NTM: variants seen among roughly 807,000 people sequenced by gnomAD.
NTM encodes the protein neurotrimin, also known as IgLON family member 2.
In NTM, 13 loss-of-function variants were observed where a neutral mutation model predicts 42.1. The ratio of observed to expected loss-of-function variants is 0.31; its 90% CI spans 0.20 to 0.49. The LOEUF (loss-of-function observed/expected upper bound fraction) is 0.49, where lower values mean the gene tolerates loss of function less well. Ranked by LOEUF, NTM falls within the 20% of genes least tolerant of loss-of-function variation. The pLI is 0.99. For synonymous variants in NTM, 187 were observed against 179.2 expected (o/e 1.04, Z -0.35); for missense variants, 373 against 452.8 (o/e 0.82, Z 1.60).
intron 1 of NTM, among the ~76,000 whole-genome samples, chr11:131,865,319 A>G (rs1437801398): frequency 1.3e-5 from 2 of 152,218 alleles, no homozygotes; most frequent in African/African-American, 4.8e-5. Context: ...ACAGTTTGCC[A>G]GGTAACAATG....
At chr11:131,991,382 ATCT>A (rs1272081895) in intron 2 of NTM, among the ~76,000 whole-genome samples, 3 of 152,088 alleles carry the variant, frequency 2.0e-5, no homozygotes, top group East Asian at 1.9e-4. Context: ...TCCCTTTGAC[ATCT>A]TCTTCTGATT....
At chr11:131,710,235 C>T (rs1197054696) in intron 1 of NTM, among the ~76,000 whole-genome samples, 1 of 152,190 alleles carries the variant, frequency 6.6e-6, no homozygotes, top group East Asian at 1.9e-4. Flanking sequence ...TTCCCTAGAT[C>T]ACTCTTGTCA....
rs539448187 is a variant in NTM, at chr11:132,279,384, C to T, written c.527-28305C>T. 2.0e-5 allele frequency among the ~76,000 whole-genome samples: 3 copies of T among 152,298 alleles called. No homozygotes were observed. The South Asian group carries it at 6.2e-4, about 32-fold the overall frequency. Reference sequence around the variant, plus strand: ...TGCTGCTAGAGGGCACTGTTTATCACAGAGATCTGTTCATGTGACTCTCGC... The same window carrying T: ...TGCTGCTAGAGGGCACTGTTTATCATAGAGATCTGTTCATGTGACTCTCGC... On this transcript the variant is annotated intron_variant, in intron 4 of 8. Transcript: ENST00000683400.
At chr11:131,818,162 A>T (rs756224803) in intron 1 of NTM, among the ~76,000 whole-genome samples, 1 of 152,128 alleles carries the variant, frequency 6.6e-6, no homozygotes, top group African/African-American at 2.4e-5. Context: ...GCTGCAGTGC[A>T]TCCTTTACAG....
intron 1 of NTM, among the ~76,000 whole-genome samples, chr11:131,501,699 A>G (rs2046848800): frequency 1.3e-5 from 2 of 151,418 alleles, no homozygotes; most frequent in Admixed American, 1.3e-4. Context: ...GTAGATCTTG[A>G]GTGTGCTGTA....
intron 1 of NTM, among the ~76,000 whole-genome samples, chr11:131,853,986 T>C (rs2045857290): frequency 6.6e-6 from 1 of 152,368 alleles, no homozygotes; most frequent in African/African-American, 2.4e-5. Flanking sequence ...AGAAAGCTAG[T>C]AATACAGATT....
chr11:131,580,899 G>T (rs959731619), intron 1 of NTM, among the ~76,000 whole-genome samples: 1 of 152,130 alleles, frequency 6.6e-6, no homozygotes, highest in Non-Finnish European at 1.5e-5. Context: ...AGGGGAAGTC[G>T]CAAAAGTTCT....
intron 1 of NTM, among the ~76,000 whole-genome samples, chr11:131,400,778 A>G (rs1242631112): frequency 6.6e-6 from 1 of 152,188 alleles, no homozygotes; most frequent in Non-Finnish European, 1.5e-5. Context: ...TATGTGGACA[A>G]TGTACCAAAG....
intron 1 of NTM, chr11:131,538,943 A>ATTTTTTTTTTTTTTT (rs1189734867): frequency 5.5e-5 from 4 of 72,372 alleles, no homozygotes; most frequent in Non-Finnish European, 5.3e-5. Flanking sequence ...TTTTTTTTTA[A>ATTTTTTTTTTTTTTT]TTTTTTTGAG....
chr11:131,885,852 G>T lies in NTM; in HGVS notation c.83-25712G>T, dbSNP rs114846998. 9.5e-3 allele frequency among the ~76,000 whole-genome samples: 1,445 copies of T among 152,312 alleles called. 19 individuals carry two copies. The highest frequency in any genetic ancestry group is 0.033 in the African/African-American group (1,359 of 41,564). ...TTTCTGCTTAGGAAGGCTGCACATGGTGGCCACTGAAGACCAGAGAGGTGT... is the reference window on the plus strand; with the variant it reads ...TTTCTGCTTAGGAAGGCTGCACATGTTGGCCACTGAAGACCAGAGAGGTGT... On this transcript the variant is annotated intron_variant, in intron 1 of 8. Coordinates refer to ENST00000683400, the MANE Select transcript of NTM (RefSeq NM_001352005.2).
At chr11:131,416,978 G>C (rs1391680013) in intron 1 of NTM, among the ~76,000 whole-genome samples, 1 of 152,072 alleles carries the variant, frequency 6.6e-6, no homozygotes, top group East Asian at 1.9e-4. Flanking sequence ...GTAACCTTGG[G>C]GGAGTCACAA....
At chr11:132,225,690 TC>T (rs1229984044) in intron 4 of NTM, among the ~76,000 whole-genome samples, 1 of 152,182 alleles carries the variant, frequency 6.6e-6, no homozygotes, top group African/African-American at 2.4e-5. Context: ...AATAAATGTT[TC>T]CTTTTTTACC....
chr11:132,212,362 C>T (rs145228754), intron 4 of NTM, among the ~76,000 whole-genome samples: 2 of 152,310 alleles, frequency 1.3e-5, no homozygotes, highest in African/African-American at 4.8e-5. Context: ...AGTATCTCTC[C>T]AGTCCCTTGG....
chr11:132,109,898 G>A (rs927791374), intron 2 of NTM, among the ~76,000 whole-genome samples: 1 of 152,158 alleles, frequency 6.6e-6, no homozygotes, highest in Non-Finnish European at 1.5e-5. Flanking sequence ...AAGATGTTTG[G>A]GTTTCCATTC....
At chr11:131,878,643 T>C (rs1277682331) in intron 1 of NTM, among the ~76,000 whole-genome samples, 1 of 117,826 alleles carries the variant, frequency 8.5e-6, no homozygotes, top group Admixed American at 9.1e-5. Flanking sequence ...ATATATATAA[T>C]GTCTTATGTT....
In NTM at chr11:131,576,061, C is replaced by T. The variant is rs372597999; in HGVS notation, c.82+205173C>T. ...GTCGGCAGAAAGCCAGGCTCAGACA[C>T]GGTATCTAGAGAAGGTGGGCTGGAA... On this transcript the variant is annotated intron_variant, in intron 1 of 8. Transcript: ENST00000683400. 4.8e-4 allele frequency among the ~76,000 whole-genome samples: 73 copies of T among 152,264 alleles called. 1 individual carries two copies. The East Asian group carries it at 0.01, about 21-fold the overall frequency.
At chr11:131,609,959 C>T (rs577611381) in intron 1 of NTM, among the ~76,000 whole-genome samples, 2 of 152,266 alleles carry the variant, frequency 1.3e-5, no homozygotes, top group Admixed American at 6.5e-5. Flanking sequence ...GGTATCCCTG[C>T]TCTTTGTAAC....
chr11:132,253,413 G>A (rs1308199763), intron 4 of NTM, among the ~76,000 whole-genome samples: 1 of 151,864 alleles, frequency 6.6e-6, no homozygotes. Context: ...CATAATGTTT[G>A]TTTTCATCAC....
At chr11:131,375,220 G>A (rs371395520) in intron 1 of NTM, among the ~76,000 whole-genome samples, 27 of 152,202 alleles carry the variant, frequency 1.8e-4, no homozygotes, top group African/African-American at 4.6e-4. Flanking sequence ...CCACCAGGCC[G>A]GGGAGCGACT....
Sources: allele counts gnomAD v4.1 joint callset (sites outside exome capture counted in the v4.1 genomes callset), GRCh38; gene constraint gnomAD v4.1.1; transcripts MANE v1.5; gene names NCBI Gene and HGNC (gene_info 2026-07-23, HGNC 2026-07-21).